Variants in CAPZB observed in about 807,000 individuals in gnomAD.
The protein encoded by CAPZB is F-actin-capping protein subunit beta.
In CAPZB, 2 loss-of-function variants were observed where a neutral mutation model predicts 38.1. The ratio of observed to expected loss-of-function variants is 0.05; its 90% CI spans 0.02 to 0.17. CAPZB has a LOEUF of 0.17. Ranked by LOEUF, CAPZB falls within the 10% of genes least tolerant of loss-of-function variation. The pLI, the probability that CAPZB is intolerant of heterozygous loss-of-function variation, is 1.00. For synonymous variants in CAPZB, 107 were observed against 127.4 expected (o/e 0.84, Z 1.08); for missense variants, 161 against 334.2 (o/e 0.48, Z 4.04).
intron 1 of CAPZB, among the ~76,000 whole-genome samples, chr1:19,478,165 G>C (rs968446014): frequency 1.2e-4 from 18 of 152,334 alleles, no homozygotes; most frequent in African/African-American, 4.1e-4. Flanking sequence ...GTTTTCAGCA[G>C]TCTGGTGTTT....
chr1:19,473,622 G>C lies in CAPZB; in HGVS notation c.3+11814C>G, dbSNP rs78136751. ...CTCACACCTGTAATCCCAGCACTTT[G>C]GGAGGCCGAGGCAGGTGGATCACCT... is the stretch of plus-strand genomic sequence containing the variant. On this transcript the variant is annotated intron_variant, in intron 1 of 8. Coordinates refer to ENST00000264202, the MANE Select transcript of CAPZB (RefSeq NM_004930.5). Among the ~76,000 whole-genome samples the C allele has an allele frequency of 0.013, 1,917 of 152,332 alleles. 116 individuals are homozygous for C. In the East Asian group the frequency reaches 0.19, roughly 15 times the overall value.
intron 1 of CAPZB, among the ~76,000 whole-genome samples, chr1:19,420,734 GCA>G (rs755154884): frequency 2.0e-5 from 3 of 152,050 alleles, no homozygotes; most frequent in Non-Finnish European, 2.9e-5. Context: ...CCCAGCCCAA[GCA>G]CCTTTTTAAA....
intron 2 of CAPZB, among the ~76,000 whole-genome samples, chr1:19,394,277 C>T (rs1378809652): frequency 2.0e-5 from 3 of 152,222 alleles, no homozygotes; most frequent in African/African-American, 4.8e-5. Flanking sequence ...TGAGCCACCG[C>T]GCCTGGCCAA....
intron 4 of CAPZB, among the ~76,000 whole-genome samples, chr1:19,376,875 C>T (rs1008583616): frequency 3.9e-5 from 6 of 152,148 alleles, no homozygotes; most frequent in African/African-American, 1.4e-4. Flanking sequence ...TTTGATATCC[C>T]AGTTCCACCA....
At chr1:19,484,615 T>G in intron 1 of CAPZB, 1 of 1,181,674 alleles carries the variant, frequency 8.5e-7, no homozygotes, top group Non-Finnish European at 1.1e-6. Flanking sequence ...GATGGAGAGC[T>G]CCCCTCGCTC....
intron 6 of CAPZB, among the ~76,000 whole-genome samples, chr1:19,353,384 G>A (rs1234856606): frequency 6.6e-6 from 1 of 152,052 alleles, no homozygotes; most frequent in East Asian, 1.9e-4. Context: ...TCGAGTGAGG[G>A]GCTCTCATCT....
intron 2 of CAPZB, among the ~76,000 whole-genome samples, chr1:19,388,126 C>A (rs1026991264): frequency 6.6e-6 from 1 of 152,216 alleles, no homozygotes. Flanking sequence ...GGAAAGCTCA[C>A]AAGAAAATAG....
chr1:19,369,133 C>G (rs1213141636), intron 4 of CAPZB, among the ~76,000 whole-genome samples: 1 of 152,232 alleles, frequency 6.6e-6, no homozygotes, highest in Admixed American at 6.5e-5. Flanking sequence ...TTCCATTTAA[C>G]TTTCTTTCAG....
intron 6 of CAPZB, among the ~76,000 whole-genome samples, chr1:19,354,081 A>AT (rs1369865873): frequency 6.6e-6 from 1 of 152,160 alleles, no homozygotes; most frequent in African/African-American, 2.4e-5. Flanking sequence ...AAAGTAGCAT[A>AT]TTTTTTTCTC....
In CAPZB at chr1:19,378,712, G is replaced by A. The variant is rs564906631; in HGVS notation, c.216-59C>T. The A allele has an allele frequency of 3.7e-4, 342 of 922,884 alleles. 4 individuals are homozygous for A. In the South Asian group the frequency reaches 4.2e-3, roughly 11 times the overall value. The allele number at this position is 922,884 out of a possible 1,614,324, so 57.2% of individuals were successfully genotyped here. A position where few individuals can be genotyped will look rare whatever the true frequency, so the allele number is the denominator to read the frequency against. Reference sequence around the variant, plus strand: ...ATCGTTCCATGAAGACACGGCCAGCGAGCAGGGAGCCTGAGCCCTGGCTAT... The same window carrying A: ...ATCGTTCCATGAAGACACGGCCAGCAAGCAGGGAGCCTGAGCCCTGGCTAT... On this transcript the variant is annotated intron_variant, in intron 3 of 8. Coordinates refer to ENST00000264202, the MANE Select transcript of CAPZB (RefSeq NM_004930.5).
chr1:19,405,719 A>G (rs1180181250), intron 2 of CAPZB, among the ~76,000 whole-genome samples: 1 of 152,056 alleles, frequency 6.6e-6, no homozygotes, highest in African/African-American at 2.4e-5. Flanking sequence ...CGATCATTAA[A>G]TCTCTTCTGC....
rs956675555 is a variant in CAPZB, at chr1:19,483,993, C to G, written c.3+1443G>C. On this transcript the variant is annotated intron_variant, in intron 1 of 8. Coordinates refer to ENST00000264202, the MANE Select transcript of CAPZB (RefSeq NM_004930.5). ...TGCTCCAAAAATCCCTTGATCCTGT[C>G]AGGAAGAAGTTCTCTGGCCCTTCCA... Among the ~76,000 whole-genome samples, 5 of 152,208 alleles carry G rather than the reference C, an allele frequency of 3.3e-5. No homozygotes were observed. In the South Asian group the frequency reaches 1.0e-3, roughly 31 times the overall value.
chr1:19,424,173 T>A (rs540284061), intron 1 of CAPZB, among the ~76,000 whole-genome samples: 21 of 152,168 alleles, frequency 1.4e-4, no homozygotes, highest in Non-Finnish European at 2.9e-4. Context: ...TTTTTTTTTC[T>A]TTAAGCCAAG....
chr1:19,423,369 G>A (rs1411090910), intron 1 of CAPZB, among the ~76,000 whole-genome samples: 1 of 152,046 alleles, frequency 6.6e-6, no homozygotes, highest in Non-Finnish European at 1.5e-5. Context: ...GAATGAAGCA[G>A]ATGTGGATGA....
rs568677052 is a variant in CAPZB at position 19,449,959 on chromosome 1, T to C, written c.4-30209A>G. On this transcript the variant is annotated intron_variant, in intron 1 of 8. Transcript: ENST00000264202. ...GAGTTTGAGATCAGCCTGGGCAACA[T>C]AAGGAGACTCTGTCTCTACAAATAA... Among the ~76,000 whole-genome samples, 7 of 151,218 alleles carry C rather than the reference T, an allele frequency of 4.6e-5. No individual in the cohort carries two copies. In the East Asian group the frequency reaches 9.8e-4, roughly 21 times the overall value.
intron 1 of CAPZB, among the ~76,000 whole-genome samples, chr1:19,474,773 A>G (rs552750415): frequency 3.9e-4 from 59 of 152,298 alleles, no homozygotes; most frequent in African/African-American, 1.3e-3. Context: ...ATCTAAAGGC[A>G]CCATACTTTG....
intron 1 of CAPZB, among the ~76,000 whole-genome samples, chr1:19,448,049 G>A (rs1455999161): frequency 3.9e-5 from 6 of 152,222 alleles, no homozygotes; most frequent in Non-Finnish European, 8.8e-5. Flanking sequence ...GTGGAGCTCA[G>A]GACACCTCTC....
At chr1:19,408,810 C>T (rs2094344732) in intron 2 of CAPZB, among the ~76,000 whole-genome samples, 1 of 152,200 alleles carries the variant, frequency 6.6e-6, no homozygotes. Context: ...CTCCTGACTT[C>T]CAGTAAGATT....
At chr1:19,398,208 A>G (rs937215597) in intron 2 of CAPZB, among the ~76,000 whole-genome samples, 2 of 137,156 alleles carry the variant, frequency 1.5e-5, no homozygotes, top group East Asian at 4.4e-4. Context: ...CCACACACGG[A>G]GGTGAGCCAC....
Sources: gnomAD v4.1 joint callset for allele counts (sites outside exome capture counted in the v4.1 genomes callset) on GRCh38, gnomAD v4.1.1 for gene constraint, MANE v1.5 for transcripts, NCBI Gene and HGNC (gene_info 2026-07-23, HGNC 2026-07-21) for gene names.